The following BACH2 variants were observed in gnomAD, a reference collection of about 807,000 sequenced individuals.
BACH2 encodes BACH transcriptional regulator 2.
BACH2 carries 5 observed loss-of-function variants against 61.8 expected under a neutral mutation model. That is an observed-to-expected ratio of 0.08 (90% CI 0.04 to 0.17). BACH2 has a LOEUF of 0.17. BACH2 is among the 10% of genes least tolerant of loss of function. The probability of loss-of-function intolerance (pLI) is 1.00; values close to 1 mark genes in which losing one functional copy is unlikely to be tolerated. For missense variants in BACH2, 824 were observed against 1,091.1 expected (o/e 0.76, Z 3.45); for synonymous variants, 446 against 440.1 (o/e 1.01, Z -0.17).
At chr6:89,981,805 G>A (rs1775974380) in intron 6 of BACH2, among the ~76,000 whole-genome samples, 1 of 152,196 alleles carries the variant, frequency 6.6e-6, no homozygotes, top group African/African-American at 2.4e-5. Context: ...CCTAGAGGAA[G>A]CGTGTGATTT....
chr6:90,074,235 C>A (rs1781372137), intron 5 of BACH2, among the ~76,000 whole-genome samples: 1 of 152,150 alleles, frequency 6.6e-6, no homozygotes, highest in African/African-American at 2.4e-5. Flanking sequence ...TATTTTGCCA[C>A]ATTTCACAAG....
chr6:90,036,817 C>T (rs1215840759), intron 5 of BACH2, among the ~76,000 whole-genome samples: 1 of 152,098 alleles, frequency 6.6e-6, no homozygotes. Flanking sequence ...CAAATCTTAT[C>T]AATCTATAGA....
intron 6 of BACH2, among the ~76,000 whole-genome samples, chr6:89,965,049 T>C (rs1369518109): frequency 6.6e-6 from 1 of 152,106 alleles, no homozygotes; most frequent in Non-Finnish European, 1.5e-5. Flanking sequence ...CACACCTGGC[T>C]AATTTTTTTG....
chr6:90,100,706 C>CACACATATACACACACACACAG (rs1463218195), intron 4 of BACH2, among the ~76,000 whole-genome samples: 1 of 143,172 alleles, frequency 7.0e-6, no homozygotes, highest in African/African-American at 2.6e-5. Context: ...CACACAGACA[C>CACACATATACACACACACACAG]ACACACACAC....
chr6:90,024,141 C>CTA lies in BACH2; in HGVS notation c.-12-15287_-12-15286dup, dbSNP rs56100309. The stretch of plus-strand genomic sequence containing the variant: ...TGTTTTATGCACTTTTCTACATCTA[C>CTA]TATATATATATATATCCCAGCTCCC... On this transcript the variant is annotated intron_variant, in intron 5 of 8. Transcript: ENST00000257749. Among the ~76,000 whole-genome samples the CTA allele has an allele frequency of 1.6e-3, 244 of 150,552 alleles. 1 individual carries two copies. The highest frequency in any genetic ancestry group is 2.5e-3 in the Non-Finnish European group (167 of 67,510).
intron 3 of BACH2, among the ~76,000 whole-genome samples, chr6:90,228,887 T>C (rs1562516397): frequency 6.6e-6 from 1 of 152,302 alleles, no homozygotes; most frequent in East Asian, 1.9e-4. Context: ...AGAACAACCT[T>C]TGGGGAGAAA....
chr6:90,033,071 G>A (rs1779083701), intron 5 of BACH2, among the ~76,000 whole-genome samples: 2 of 151,222 alleles, frequency 1.3e-5, no homozygotes, highest in Non-Finnish European at 2.9e-5. Context: ...CATGGATGAA[G>A]CTGGAAACCA....
chr6:90,024,752 G>C (rs1454746527), intron 5 of BACH2, among the ~76,000 whole-genome samples: 3 of 152,058 alleles, frequency 2.0e-5, no homozygotes, highest in Non-Finnish European at 2.9e-5. Flanking sequence ...GAAGAAGAGG[G>C]GAAGACCCAT....
intron 6 of BACH2, among the ~76,000 whole-genome samples, chr6:89,993,028 G>A (rs578048980): frequency 3.3e-5 from 5 of 152,168 alleles, no homozygotes; most frequent in East Asian, 1.9e-4. Context: ...GTCCACACAC[G>A]CACAGAGGAA....
intron 4 of BACH2, among the ~76,000 whole-genome samples, chr6:90,143,976 G>A (rs1463002833): frequency 1.3e-5 from 2 of 152,170 alleles, no homozygotes; most frequent in East Asian, 3.9e-4. Context: ...AGTCTTTGGA[G>A]AAAGGGGCCT....
chr6:90,233,445 C>T (rs1198244878), intron 3 of BACH2, among the ~76,000 whole-genome samples: 1 of 152,184 alleles, frequency 6.6e-6, no homozygotes, highest in Non-Finnish European at 1.5e-5. Context: ...CCAGTAAAAC[C>T]TACTTGACTA....
At chr6:90,234,595 G>A (rs561456960) in intron 3 of BACH2, among the ~76,000 whole-genome samples, 237 of 152,264 alleles carry the variant, frequency 1.6e-3, no homozygotes, top group Non-Finnish European at 2.8e-3. Flanking sequence ...TAAAATTTTA[G>A]ATGAACTAAA....
rs34747103 is a variant in BACH2 at position 90,009,061 on chromosome 6, T to C, written c.-12-205A>G. Among the ~76,000 whole-genome samples, 561 of 152,298 alleles carry C rather than the reference T, an allele frequency of 3.7e-3. 1 individual carries two copies. Among genetic ancestry groups the C allele is most frequent in the Non-Finnish European group, 6.3e-3 (431 of 68,018 alleles). Reference sequence around the variant, plus strand: ...AGGAAACATATCTGTAAAGTCAAGTTCCACAGCTGACTTTTATGCTTCCTA... The same window carrying C: ...AGGAAACATATCTGTAAAGTCAAGTCCCACAGCTGACTTTTATGCTTCCTA... On this transcript the variant is annotated intron_variant, in intron 5 of 8. Coordinates refer to ENST00000257749, the MANE Select transcript of BACH2 (RefSeq NM_021813.4).
In BACH2 at chr6:89,930,855, G is replaced by C. The variant is rs1350493660; in HGVS notation, c.*1553C>G. 2.0e-5 allele frequency: 3 copies of C among 152,422 alleles called. No homozygotes were observed. Among genetic ancestry groups the C allele is most frequent in the Non-Finnish European group, 4.4e-5 (3 of 68,094 alleles). The allele number at this position is 152,422 out of a possible 1,614,324, so 9.4% of individuals were successfully genotyped here. ...GAAAAACCTCAGAAGAAAACTCCAA[G>C]CCTTTGGAGAAGGAAAGGAGAAAGA... On this transcript the variant is annotated 3_prime_UTR_variant, in exon 9 of 9. Coordinates refer to ENST00000257749, the MANE Select transcript of BACH2 (RefSeq NM_021813.4).
At position 89,999,130 on chromosome 6, in the gene BACH2, C is replaced by G. The variant is rs79211015; in HGVS notation, c.243+9472G>C. On this transcript the variant is annotated intron_variant, in intron 6 of 8. Coordinates refer to ENST00000257749, the MANE Select transcript of BACH2 (RefSeq NM_021813.4). ...AACACACCGTGCTTTCACTGTTTAA[C>G]TGCAATCTCAGTTTTCAGGAAGCAA... 6.7e-3 allele frequency among the ~76,000 whole-genome samples: 1,024 copies of G among 152,346 alleles called. 23 individuals carry two copies. In the East Asian group the frequency reaches 0.08, roughly 12 times the overall value.
intron 5 of BACH2, among the ~76,000 whole-genome samples, chr6:90,022,244 G>A (rs1050760670): frequency 1.3e-5 from 2 of 152,100 alleles, no homozygotes; most frequent in African/African-American, 2.4e-5. Flanking sequence ...CAAAATATCT[G>A]GTAATAAACT....
At chr6:90,084,389 TG>T (rs546931243) in intron 5 of BACH2, among the ~76,000 whole-genome samples, 29 of 151,598 alleles carry the variant, frequency 1.9e-4, no homozygotes, top group Non-Finnish European at 2.9e-5. Flanking sequence ...TATGAACTCA[TG>T]GGGGGGGAAT....
chr6:90,011,968 G>A (rs1777747942), intron 5 of BACH2, among the ~76,000 whole-genome samples: 1 of 150,336 alleles, frequency 6.7e-6, no homozygotes, highest in African/African-American at 2.5e-5. Flanking sequence ...GTGTGTGTGT[G>A]TGTGTGTATG....
At chr6:90,187,552 G>A (rs906664069) in intron 4 of BACH2, among the ~76,000 whole-genome samples, 1 of 152,172 alleles carries the variant, frequency 6.6e-6, no homozygotes, top group Non-Finnish European at 1.5e-5. Flanking sequence ...CAGGAGCGCA[G>A]GCTCACTGAG....
Sources: allele counts gnomAD v4.1 joint callset (sites outside exome capture counted in the v4.1 genomes callset), GRCh38; gene constraint gnomAD v4.1.1; transcripts MANE v1.5; gene names NCBI Gene and HGNC (gene_info 2026-07-23, HGNC 2026-07-21).